GALNTL6: variants seen among roughly 807,000 people sequenced by gnomAD.
GALNTL6 encodes the protein polypeptide N-acetylgalactosaminyltransferase like 6.
In GALNTL6, 46 loss-of-function variants were observed where a neutral mutation model predicts 73.7. The ratio of observed to expected loss-of-function variants is 0.62; its 90% CI spans 0.49 to 0.80. The LOEUF (loss-of-function observed/expected upper bound fraction) is 0.80. Among genes scored for constraint, GALNTL6 ranks in the 30% least tolerant of loss-of-function variants. GALNTL6 has a pLI of 0.00. For synonymous variants in GALNTL6, 259 were observed against 263.7 expected (o/e 0.98, Z 0.17); for missense variants, 604 against 755.0 (o/e 0.80, Z 2.34).
At chr4:172,615,655 A>T (rs1269001220) in intron 5 of GALNTL6, among the ~76,000 whole-genome samples, 1 of 152,202 alleles carries the variant, frequency 6.6e-6, no homozygotes, top group East Asian at 1.9e-4. Flanking sequence ...GTATACTATA[A>T]ATCGAGTCTA....
intron 5 of GALNTL6, among the ~76,000 whole-genome samples, chr4:172,797,617 C>G (rs1740353813): frequency 6.6e-6 from 1 of 152,044 alleles, no homozygotes; most frequent in Non-Finnish European, 1.5e-5. Context: ...CCTCAGCTCA[C>G]TGCAACCTCA....
intron 5 of GALNTL6, among the ~76,000 whole-genome samples, chr4:172,689,906 T>TAA (rs568645625): frequency 1.1e-3 from 167 of 151,558 alleles, no homozygotes; most frequent in African/African-American, 3.4e-3. Flanking sequence ...TCGTGATTTT[T>TAA]AAAAAAAAAT....
intron 7 of GALNTL6, among the ~76,000 whole-genome samples, chr4:172,866,114 G>A (rs1356226117): frequency 6.6e-6 from 1 of 152,128 alleles, no homozygotes; most frequent in Non-Finnish European, 1.5e-5. Flanking sequence ...GCCTGTAACA[G>A]CCTCTTAGCC....
chr4:172,253,801 AAAG>A (rs545124336), intron 3 of GALNTL6, among the ~76,000 whole-genome samples: 7 of 152,064 alleles, frequency 4.6e-5, no homozygotes, highest in African/African-American at 1.4e-4. Context: ...ACATGTCACT[AAAG>A]AAGATTATTT....
intron 8 of GALNTL6, among the ~76,000 whole-genome samples, chr4:172,893,209 G>A (rs1225624709): frequency 6.6e-6 from 1 of 152,134 alleles, no homozygotes. Context: ...CCACGCTGTA[G>A]GGATCCCTGA....
chr4:172,818,570 T>C (rs1409482389), intron 7 of GALNTL6, among the ~76,000 whole-genome samples: 1 of 152,156 alleles, frequency 6.6e-6, no homozygotes, highest in Non-Finnish European at 1.5e-5. Flanking sequence ...TAAATACATA[T>C]ATACAGCAGC....
intron 2 of GALNTL6, among the ~76,000 whole-genome samples, chr4:172,076,349 G>A (rs190754035): frequency 6.6e-4 from 100 of 152,236 alleles, no homozygotes; most frequent in African/African-American, 2.1e-3. Context: ...TAAAGATGTC[G>A]TACTCTTGCT....
At chr4:171,987,708 G>A (rs545853150) in intron 2 of GALNTL6, among the ~76,000 whole-genome samples, 33 of 152,264 alleles carry the variant, frequency 2.2e-4, no homozygotes, top group Middle Eastern at 6.8e-3. Context: ...TCTAAGAGGC[G>A]GGCTAGTGGC....
chr4:172,239,639 T>C (rs1737353281), intron 3 of GALNTL6, among the ~76,000 whole-genome samples: 1 of 152,132 alleles, frequency 6.6e-6, no homozygotes, highest in Non-Finnish European at 1.5e-5. Flanking sequence ...TTGGGGTTGG[T>C]TTGCTTTTGT....
chr4:172,932,897 G>A (rs1748424626), intron 9 of GALNTL6, among the ~76,000 whole-genome samples: 1 of 152,150 alleles, frequency 6.6e-6, no homozygotes. Context: ...TGCCCAACCT[G>A]TAGTAATATT....
chr4:172,421,464 A>G (rs999993415), intron 5 of GALNTL6, among the ~76,000 whole-genome samples: 3 of 152,040 alleles, frequency 2.0e-5, no homozygotes, highest in Non-Finnish European at 4.4e-5. Context: ...TAAGTATTAT[A>G]GAAAACTTTT....
intron 11 of GALNTL6, among the ~76,000 whole-genome samples, chr4:173,014,366 G>A (rs899419602): frequency 1.4e-4 from 21 of 152,190 alleles, no homozygotes; most frequent in African/African-American, 4.8e-4. Context: ...GGAGTGGCGG[G>A]GAGGAACCCC....
intron 2 of GALNTL6, among the ~76,000 whole-genome samples, chr4:172,009,811 A>G (rs1291401855): frequency 1.3e-5 from 2 of 152,110 alleles, no homozygotes; most frequent in Non-Finnish European, 2.9e-5. Context: ...AGAGGGTTAC[A>G]TAAGACTACC....
At chr4:172,776,980 A>G (rs1396970920) in intron 5 of GALNTL6, among the ~76,000 whole-genome samples, 2 of 152,244 alleles carry the variant, frequency 1.3e-5, no homozygotes, top group Non-Finnish European at 2.9e-5. Context: ...CAATTCAAAG[A>G]GGAGCAAAGA....
chr4:172,424,922 A>G (rs574567284), intron 5 of GALNTL6, among the ~76,000 whole-genome samples: 1 of 144,034 alleles, frequency 6.9e-6, no homozygotes, highest in Non-Finnish European at 1.5e-5. Flanking sequence ...CAAGTTTGTC[A>G]TCTCAAAGCC....
chr4:172,575,927 A>G (rs899193669), intron 5 of GALNTL6, among the ~76,000 whole-genome samples: 2 of 152,204 alleles, frequency 1.3e-5, no homozygotes, highest in East Asian at 3.8e-4. Flanking sequence ...TAGTTATAAA[A>G]TGGTGTTTTA....
chr4:172,229,509 C>T, intron 2 of GALNTL6, 147 bp from the exon 3 acceptor site: 1 of 592,366 alleles, frequency 1.7e-6, no homozygotes, highest in African/African-American at 1.9e-5. Flanking sequence ...ATCTGGTCAC[C>T]AGCGATAGCT....
intron 5 of GALNTL6, among the ~76,000 whole-genome samples, chr4:172,807,133 A>G (rs1741009535): frequency 6.6e-6 from 1 of 152,186 alleles, no homozygotes; most frequent in African/African-American, 2.4e-5. Context: ...TGTATAGCCA[A>G]TAGAATCTTT....
intron 7 of GALNTL6, among the ~76,000 whole-genome samples, chr4:172,865,358 G>T (rs1019249073): frequency 3.3e-5 from 5 of 152,182 alleles, no homozygotes; most frequent in African/African-American, 1.2e-4. Flanking sequence ...AGCACCACAA[G>T]ACTACAGTCC....
Sources: allele counts gnomAD v4.1 joint callset (sites outside exome capture counted in the v4.1 genomes callset), GRCh38; gene constraint gnomAD v4.1.1; transcripts MANE v1.5; gene names NCBI Gene and HGNC (gene_info 2026-07-23, HGNC 2026-07-21).